SMURF1: variants seen among roughly 807,000 people sequenced by gnomAD.
SMURF1 encodes SMAD specific E3 ubiquitin protein ligase 1.
In SMURF1, 44 loss-of-function variants were observed where a neutral mutation model predicts 98.0. The observed-to-expected ratio is 0.45, with a 90% CI of 0.35 to 0.58. The LOEUF is 0.58. Among genes scored for constraint, SMURF1 ranks in the 20% least tolerant of loss-of-function variants. SMURF1 has a pLI of 0.00. For missense variants in SMURF1, 687 were observed against 938.4 expected (o/e 0.73, Z 3.50); for synonymous variants, 396 against 374.9 (o/e 1.06, Z -0.65).
chr7:99,129,798 A>G (rs917198061), intron 1 of SMURF1, among the ~76,000 whole-genome samples: 1 of 152,230 alleles, frequency 6.6e-6, no homozygotes, highest in African/African-American at 2.4e-5. Context: ...TGATTCCACA[A>G]ACGGAAGAGC....
At position 99,143,910 on chromosome 7, in the gene SMURF1, A is replaced by C; in HGVS notation, c.-130T>G. 1 of 744,084 alleles carries C rather than the reference A, an allele frequency of 1.3e-6. No homozygotes were observed. The highest frequency in any genetic ancestry group is 1.9e-6 in the Non-Finnish European group (1 of 518,620). The allele number at this position is 744,084 out of a possible 1,614,324, so 46.1% of individuals were successfully genotyped here. A position where few individuals can be genotyped will look rare whatever the true frequency, so the allele number is the denominator to read the frequency against. ...CGCCGGGGTCCGAGCCGGGACACAAACTCCGCGGCCCAGGCGTCCGGGCGG... is the reference window on the plus strand; with the variant it reads ...CGCCGGGGTCCGAGCCGGGACACAACCTCCGCGGCCCAGGCGTCCGGGCGG... On this transcript the variant is annotated 5_prime_UTR_variant, in exon 1 of 18. Coordinates refer to ENST00000361368, the MANE Select transcript of SMURF1 (RefSeq NM_181349.3).
intron 5 of SMURF1, among the ~76,000 whole-genome samples, chr7:99,055,687 G>A (rs958892211): frequency 1.3e-5 from 2 of 151,064 alleles, no homozygotes; most frequent in Non-Finnish European, 3.0e-5. Flanking sequence ...CAGAGAGGCC[G>A]GGCACAGTGG....
chr7:99,100,727 T>A (rs1797058719), intron 1 of SMURF1, among the ~76,000 whole-genome samples: 1 of 152,242 alleles, frequency 6.6e-6, no homozygotes. Flanking sequence ...GCTTATAAGT[T>A]AATACTGGAA....
chr7:99,037,396 C>A (rs1795187094), intron 14 of SMURF1, among the ~76,000 whole-genome samples: 1 of 152,326 alleles, frequency 6.6e-6, no homozygotes, highest in African/African-American at 2.4e-5. Flanking sequence ...CACCACCACA[C>A]CTGGCTAATT....
chr7:99,111,016 A>T (rs552004730), intron 1 of SMURF1, among the ~76,000 whole-genome samples: 1 of 152,344 alleles, frequency 6.6e-6, no homozygotes, highest in South Asian at 2.1e-4. Flanking sequence ...AGAACCATGG[A>T]AGGATCAATA....
chr7:99,072,340 A>G (rs541106310), intron 1 of SMURF1, among the ~76,000 whole-genome samples: 1 of 152,234 alleles, frequency 6.6e-6, no homozygotes, highest in African/African-American at 2.4e-5. Flanking sequence ...TATTAATTTG[A>G]CACATAGAAA....
intron 1 of SMURF1, among the ~76,000 whole-genome samples, chr7:99,064,433 T>A (rs1316561900): frequency 6.6e-6 from 1 of 152,256 alleles, no homozygotes; most frequent in African/African-American, 2.4e-5. Context: ...TGTTTTAAAT[T>A]ACTAATCCAA....
At chr7:99,133,550 C>T (rs966796621) in intron 1 of SMURF1, among the ~76,000 whole-genome samples, 5 of 152,140 alleles carry the variant, frequency 3.3e-5, no homozygotes, top group African/African-American at 1.2e-4. Context: ...CTCTCATACG[C>T]CACTGGTGGA....
At chr7:99,042,497 A>G (rs960165562) in intron 11 of SMURF1, among the ~76,000 whole-genome samples, 1 of 152,042 alleles carries the variant, frequency 6.6e-6, no homozygotes, top group African/African-American at 2.4e-5. Flanking sequence ...GTGGCCTCGA[A>G]CTCCTGACCT....
At chr7:99,131,416 G>C (rs1020256493) in intron 1 of SMURF1, among the ~76,000 whole-genome samples, 1 of 151,804 alleles carries the variant, frequency 6.6e-6, no homozygotes, top group African/African-American at 2.4e-5. Context: ...CAACCACCAA[G>C]ACTACAAGGA....
intron 1 of SMURF1, among the ~76,000 whole-genome samples, chr7:99,129,575 A>G (rs1406280472): frequency 1.3e-5 from 2 of 152,060 alleles, no homozygotes; most frequent in African/African-American, 4.8e-5. Context: ...CTATTTTTGT[A>G]TAGATAGGGT....
chr7:99,075,450 T>G (rs1339915197), intron 1 of SMURF1, among the ~76,000 whole-genome samples: 1 of 152,224 alleles, frequency 6.6e-6, no homozygotes, highest in Non-Finnish European at 1.5e-5. Context: ...ACCCCCGATT[T>G]ATTTATTAGT....
chr7:99,047,517 A>G (rs1356829884), intron 10 of SMURF1, 167 bp downstream of exon 10: 1 of 677,316 alleles, frequency 1.5e-6, no homozygotes. Context: ...AATAAAATCA[A>G]TACCTCAAAT....
At chr7:99,081,280 G>A (rs1479168898) in intron 1 of SMURF1, 3 of 152,228 alleles carry the variant, frequency 2.0e-5, no homozygotes. Context: ...ACCGAGGCAG[G>A]AATATCGCTT....
At chr7:99,069,957 C>T (rs2150554572) in intron 1 of SMURF1, among the ~76,000 whole-genome samples, 1 of 152,352 alleles carries the variant, frequency 6.6e-6, no homozygotes, top group East Asian at 1.9e-4. Flanking sequence ...TTAGCACCCA[C>T]CGGCCATGCC....
intron 1 of SMURF1, among the ~76,000 whole-genome samples, chr7:99,077,394 G>T (rs1375004740): frequency 1.3e-5 from 2 of 149,994 alleles, no homozygotes; most frequent in Admixed American, 1.3e-4. Flanking sequence ...GTACAGTGGC[G>T]CAATCTCAGC....
chr7:99,045,925 C>T, intron 10 of SMURF1, 124 bp from the exon 11 acceptor site: 1 of 695,874 alleles, frequency 1.4e-6, no homozygotes. Context: ...TATCTGGCTC[C>T]TCATCAGAAT....
chr7:99,050,724 T>G, intron 8 of SMURF1: 1 of 540,726 alleles, frequency 1.8e-6, no homozygotes, highest in Non-Finnish European at 3.3e-6. Flanking sequence ...AGGTACTGAG[T>G]CATACATTAA....
intron 1 of SMURF1, among the ~76,000 whole-genome samples, chr7:99,101,236 G>C (rs1006914502): frequency 1.3e-5 from 2 of 152,230 alleles, no homozygotes; most frequent in Admixed American, 6.5e-5. Flanking sequence ...GCTGGGTGCA[G>C]TGGTGTGTGC....
Sources: allele counts gnomAD v4.1 joint callset (sites outside exome capture counted in the v4.1 genomes callset), GRCh38; gene constraint gnomAD v4.1.1; transcripts MANE v1.5; gene names NCBI Gene and HGNC (gene_info 2026-07-23, HGNC 2026-07-21).